ADGB: variants seen among roughly 807,000 people sequenced by gnomAD.
The protein encoded by ADGB is calpain-7-like protein.
ADGB carries 172 observed loss-of-function variants against 210.5 expected under a neutral mutation model. That is an observed-to-expected ratio of 0.82 (90% CI 0.72 to 0.93). ADGB has a LOEUF of 0.93. Ranked by LOEUF, ADGB falls within the 40% of genes least tolerant of loss-of-function variation. ADGB has a pLI of 0.00. For missense variants in ADGB, 2,025 were observed against 1,964.8 expected (o/e 1.03, Z -0.58); for synonymous variants, 658 against 662.7 (o/e 0.99, Z 0.11).
At chr6:146,672,977 C>T (rs575674624) in intron 8 of ADGB, among the ~76,000 whole-genome samples, 4 of 152,134 alleles carry the variant, frequency 2.6e-5, no homozygotes, top group African/African-American at 4.8e-5. Flanking sequence ...GTGATCCACC[C>T]GCCTCAGCAT....
chr6:146,801,957 A>G lies in ADGB; in HGVS notation c.4764A>G (p.Gln1588=). ...TRVLSIRNID[Q]EERLKLKDEV... Reference sequence around the variant, plus strand: ...TCCTTAGCATTCGAAACATTGACCAAGAAGAGCGGTTGAAGTTAAAGGATG... The same window carrying G: ...TCCTTAGCATTCGAAACATTGACCAGGAAGAGCGGTTGAAGTTAAAGGATG... Residue 1588 remains glutamine (Q), a synonymous_variant, in exon 35 of 36, where the codon CAA becomes CAG. Transcript: ENST00000397944. 6.4e-7 allele frequency: 1 copy of G among 1,550,494 alleles called. No homozygotes were observed. The highest frequency in any genetic ancestry group is 8.7e-7 in the Non-Finnish European group (1 of 1,146,524).
intron 3 of ADGB, among the ~76,000 whole-genome samples, chr6:146,651,467 C>T (rs1775701622): frequency 6.6e-6 from 1 of 152,084 alleles, no homozygotes; most frequent in Admixed American, 6.5e-5. Context: ...AGGCTTATGC[C>T]CTTAAAAGAC....
At chr6:146,636,615 TGTGGGTGTGG>T (rs1350850270) in intron 2 of ADGB, among the ~76,000 whole-genome samples, 16 of 151,870 alleles carry the variant, frequency 1.1e-4, no homozygotes, top group Non-Finnish European at 1.8e-4. Context: ...AGTGTGAGTG[TGTGGGTGTGG>T]GTGGGTGTGG....
chr6:146,766,684 C>G (rs1300908769), intron 28 of ADGB, among the ~76,000 whole-genome samples: 1 of 151,938 alleles, frequency 6.6e-6, no homozygotes, highest in African/African-American at 2.4e-5. Context: ...GTCCAATAGA[C>G]TTTTAAAAAG....
chr6:146,741,049 A>G, intron 24 of ADGB, 69 bp from the exon 25 acceptor site: 1 of 1,286,402 alleles, frequency 7.8e-7, no homozygotes, highest in Non-Finnish European at 1.0e-6. Flanking sequence ...ATTTCTTGGC[A>G]TTAATGCAAA....
At chr6:146,621,533 G>A (rs938905656) in intron 1 of ADGB, among the ~76,000 whole-genome samples, 4 of 152,102 alleles carry the variant, frequency 2.6e-5, no homozygotes, top group African/African-American at 9.7e-5. Context: ...CCTCTTGAGT[G>A]GTTATGCCAG....
intron 8 of ADGB, among the ~76,000 whole-genome samples, chr6:146,676,018 A>C (rs1776078398): frequency 6.6e-6 from 1 of 152,046 alleles, no homozygotes; most frequent in African/African-American, 2.4e-5. Context: ...TGATACTATA[A>C]TCTTATATAA....
In ADGB at chr6:146,766,371, G is replaced by A. The variant is rs376625136; in HGVS notation, c.3750+2271G>A. Among the ~76,000 whole-genome samples the A allele has an allele frequency of 3.3e-5, 5 of 151,910 alleles. No individual in the cohort carries two copies. In the East Asian group the frequency reaches 5.8e-4, roughly 18 times the overall value. On this transcript the variant is annotated intron_variant, in intron 28 of 35. Coordinates refer to ENST00000397944, the MANE Select transcript of ADGB (RefSeq NM_024694.4). ...GAACCTGGGAGGCGGAGGTTACAGC[G>A]AGCCGAGATTGTACCACTGCATTCC...
chr6:146,671,879 A>G lies in ADGB; in HGVS notation c.840-341A>G, dbSNP rs1009034919. ...ATAAGGACCTTCTACATAAGTGATC[A>G]TGCATGCAAAAGTGTCTGCCACTTA... On this transcript the variant is annotated intron_variant, in intron 7 of 35. Transcript: ENST00000397944. Among the ~76,000 whole-genome samples, 4 of 152,158 alleles carry G rather than the reference A, an allele frequency of 2.6e-5. No individual in the cohort carries two copies. In the East Asian group the frequency reaches 7.7e-4, roughly 29 times the overall value.
intron 32 of ADGB, among the ~76,000 whole-genome samples, chr6:146,786,776 C>T (rs1357888177): frequency 6.6e-6 from 1 of 152,144 alleles, no homozygotes; most frequent in Admixed American, 6.6e-5. Context: ...GAATAGGATT[C>T]AGTTCTTGTC....
At chr6:146,812,176 C>A (rs1010800325) in intron 35 of ADGB, among the ~76,000 whole-genome samples, 8 of 152,072 alleles carry the variant, frequency 5.3e-5, no homozygotes, top group Non-Finnish European at 8.8e-5. Context: ...TCTTTAATAA[C>A]AGATTTTTCC....
At position 146,785,680 on chromosome 6, in the gene ADGB, T is replaced by C. The variant is rs1346442576; in HGVS notation, c.4283T>C (p.Ile1428Thr). The C allele has an allele frequency of 6.4e-7, 1 of 1,551,062 alleles. No homozygotes were observed. Among genetic ancestry groups the C allele is most frequent in the South Asian group, 1.2e-5 (1 of 84,022 alleles). Reference sequence around the variant, plus strand: ...ACATCTGATGCTGAGAGTCCGCCTATATCTGAAAGCCAAACTAAACCAAAA... The same window carrying C: ...ACATCTGATGCTGAGAGTCCGCCTACATCTGAAAGCCAAACTAAACCAAAA... ...KKTSDAESPPISESQTKPKEE... is the reference protein window; with the variant it reads ...KKTSDAESPPTSESQTKPKEE... Residue 1428 changes from isoleucine (I) to threonine (T), a missense_variant, in exon 32 of 36, where the codon ATA becomes ACA. Ile to Thr is a moderately conservative substitution (Grantham distance 89). Transcript: ENST00000397944.
chr6:146,628,891 A>G (rs1781019444), intron 1 of ADGB, among the ~76,000 whole-genome samples: 1 of 152,100 alleles, frequency 6.6e-6, no homozygotes, highest in Non-Finnish European at 1.5e-5. Flanking sequence ...AAATTCAGAA[A>G]GATTTAGGAA....
intron 33 of ADGB, among the ~76,000 whole-genome samples, chr6:146,800,403 T>C (rs957555081): frequency 2.0e-5 from 3 of 152,322 alleles, no homozygotes; most frequent in South Asian, 2.1e-4. Flanking sequence ...AGAGATCTTA[T>C]TTGGATGATG....
chr6:146,787,376 A>G (rs931439626), intron 32 of ADGB, among the ~76,000 whole-genome samples: 3 of 152,096 alleles, frequency 2.0e-5, no homozygotes, highest in African/African-American at 7.2e-5. Context: ...AATTTTGCCT[A>G]TTCTTGAACT....
At chr6:146,771,827 A>G (rs1777657179) in intron 29 of ADGB, among the ~76,000 whole-genome samples, 2 of 152,204 alleles carry the variant, frequency 1.3e-5, no homozygotes, top group South Asian at 4.1e-4. Flanking sequence ...AGCTATTCTC[A>G]TTTCCACTTT....
At chr6:146,670,248 C>T (rs550570797) in intron 7 of ADGB, among the ~76,000 whole-genome samples, 12 of 152,122 alleles carry the variant, frequency 7.9e-5, no homozygotes, top group Non-Finnish European at 1.5e-4. Context: ...TAAAACCTTT[C>T]AGTGTTTAAC....
At chr6:146,808,095 G>A (rs1413503113) in intron 35 of ADGB, among the ~76,000 whole-genome samples, 2 of 148,644 alleles carry the variant, frequency 1.3e-5, no homozygotes, top group African/African-American at 5.0e-5. Flanking sequence ...TGCCTCCCAG[G>A]TTCAAGTGAT....
At chr6:146,737,027 G>A (rs1777088666) in intron 23 of ADGB, among the ~76,000 whole-genome samples, 1 of 150,572 alleles carries the variant, frequency 6.6e-6, no homozygotes, top group Non-Finnish European at 1.5e-5. Context: ...AAGCTAACCT[G>A]AAAAAAACAG....
Sources: allele counts gnomAD v4.1 joint callset (sites outside exome capture counted in the v4.1 genomes callset), GRCh38; gene constraint gnomAD v4.1.1; transcripts MANE v1.5; gene names NCBI Gene and HGNC (gene_info 2026-07-23, HGNC 2026-07-21).